Variants in SORCS2 observed in about 807,000 individuals in gnomAD.
SORCS2 encodes VPS10 domain-containing receptor SorCS2.
SORCS2 carries 100 observed loss-of-function variants against 141.6 expected under a neutral mutation model. That is an observed-to-expected ratio of 0.71 (90% CI 0.60 to 0.83). The LOEUF is 0.83. Among genes scored for constraint, SORCS2 ranks in the 40% least tolerant of loss-of-function variants. The pLI is 0.00. For missense variants in SORCS2, 1,646 were observed against 1,560.2 expected, an observed-to-expected ratio of 1.05 and a Z score of -0.93; for synonymous variants, 789 against 676.9, an observed-to-expected ratio of 1.17 and a Z score of -2.57.
intron 1 of SORCS2, among the ~76,000 whole-genome samples, chr4:7,390,037 G>A (rs2109096545): frequency 6.6e-6 from 1 of 152,286 alleles, no homozygotes; most frequent in East Asian, 1.9e-4. Context: ...GGAGCTCCCG[G>A]GAAGCTGCAT....
At chr4:7,330,178 A>T (rs773250308) in intron 1 of SORCS2, among the ~76,000 whole-genome samples, 7 of 151,544 alleles carry the variant, frequency 4.6e-5, no homozygotes, top group Non-Finnish European at 8.8e-5. Flanking sequence ...CTCCTGCTCT[A>T]CAGGGACACG....
intron 6 of SORCS2, among the ~76,000 whole-genome samples, chr4:7,662,620 T>C (rs965124677): frequency 1.3e-5 from 2 of 152,234 alleles, no homozygotes; most frequent in Non-Finnish European, 2.9e-5. Flanking sequence ...TAACATGTGC[T>C]ACAGAGAGAA....
chr4:7,335,284 C>T (rs2108975692), intron 1 of SORCS2, among the ~76,000 whole-genome samples: 1 of 152,354 alleles, frequency 6.6e-6, no homozygotes, highest in Non-Finnish European at 1.5e-5. Flanking sequence ...TTGTACAAGT[C>T]TCCCCTTAGT....
At chr4:7,535,523 G>C (rs1712047986) in intron 3 of SORCS2, among the ~76,000 whole-genome samples, 1 of 152,342 alleles carries the variant, frequency 6.6e-6, no homozygotes, top group South Asian at 2.1e-4. Context: ...TGGTGAAATG[G>C]GGGTAGTAGC....
intron 1 of SORCS2, among the ~76,000 whole-genome samples, chr4:7,317,340 T>C (rs1718625651): frequency 6.6e-6 from 1 of 152,198 alleles, no homozygotes; most frequent in Non-Finnish European, 1.5e-5. Context: ...GGCCTGGGCC[T>C]ATGTGTAAGG....
intron 3 of SORCS2, among the ~76,000 whole-genome samples, chr4:7,568,897 T>C (rs1353198785): frequency 6.6e-6 from 1 of 152,200 alleles, no homozygotes; most frequent in Admixed American, 6.5e-5. Flanking sequence ...AAACCATTCC[T>C]AGGCCTATTC....
At chr4:7,705,250 G>A (rs984509733) in intron 14 of SORCS2, among the ~76,000 whole-genome samples, 2 of 152,228 alleles carry the variant, frequency 1.3e-5, no homozygotes, top group Non-Finnish European at 1.5e-5. Flanking sequence ...CCAGGAGCTG[G>A]AAGGGGCAGG....
chr4:7,414,055 C>T (rs1189518939), intron 2 of SORCS2, among the ~76,000 whole-genome samples: 2 of 152,210 alleles, frequency 1.3e-5, no homozygotes, highest in African/African-American at 2.4e-5. Context: ...AGCCTCCTTT[C>T]CTGGTGTGAA....
intron 1 of SORCS2, among the ~76,000 whole-genome samples, chr4:7,258,735 A>C (rs906797163): frequency 6.6e-6 from 1 of 152,228 alleles, no homozygotes; most frequent in Non-Finnish European, 1.5e-5. Context: ...GTCTTCCACA[A>C]TGGTTGAACT....
intron 1 of SORCS2, among the ~76,000 whole-genome samples, chr4:7,369,389 C>T (rs1470901223): frequency 2.0e-5 from 3 of 152,166 alleles, no homozygotes; most frequent in East Asian, 1.9e-4. Context: ...TTATCAGCAG[C>T]ATGAAAATGG....
chr4:7,319,229 A>G (rs1285371872), intron 1 of SORCS2, among the ~76,000 whole-genome samples: 2 of 151,976 alleles, frequency 1.3e-5, no homozygotes, highest in African/African-American at 4.8e-5. Flanking sequence ...GACATTGTGT[A>G]TAGAAGAGCT....
At chr4:7,453,259 G>A (rs1728607452) in intron 2 of SORCS2, among the ~76,000 whole-genome samples, 1 of 130,638 alleles carries the variant, frequency 7.7e-6, no homozygotes, top group African/African-American at 3.0e-5. Context: ...GTGCTGTGTT[G>A]GGGTCAGGCA....
At chr4:7,221,460 C>T (rs996412809) in intron 1 of SORCS2, among the ~76,000 whole-genome samples, 4 of 152,342 alleles carry the variant, frequency 2.6e-5, no homozygotes, top group South Asian at 2.1e-4. Context: ...GTGTGGCTGG[C>T]GCTCTTCTCA....
chr4:7,589,063 G>C (rs1320734423), intron 3 of SORCS2, among the ~76,000 whole-genome samples: 1 of 152,138 alleles, frequency 6.6e-6, no homozygotes, highest in South Asian at 2.1e-4. Context: ...GTGAGCTGCC[G>C]GGTGACCCTG....
chr4:7,541,850 C>G (rs1369287536), intron 3 of SORCS2, among the ~76,000 whole-genome samples: 5 of 152,186 alleles, frequency 3.3e-5, no homozygotes, highest in African/African-American at 1.2e-4. Context: ...CAGATAGAAA[C>G]CAACAGGAAA....
At chr4:7,332,793 A>C (rs951439888) in intron 1 of SORCS2, among the ~76,000 whole-genome samples, 1 of 152,194 alleles carries the variant, frequency 6.6e-6, no homozygotes, top group African/African-American at 2.4e-5. Flanking sequence ...TGATGGGGAC[A>C]TGGTGGCCTG....
intron 3 of SORCS2, among the ~76,000 whole-genome samples, chr4:7,551,418 G>T (rs1713692917): frequency 6.6e-6 from 1 of 152,144 alleles, no homozygotes; most frequent in African/African-American, 2.4e-5. Context: ...AGTCCAGCGG[G>T]GAAGACAGGC....
rs557763262 is a variant in SORCS2, at chr4:7,463,781, G to C, written c.548+67426G>C. 5.3e-5 allele frequency among the ~76,000 whole-genome samples: 8 copies of C among 152,212 alleles called. No individual in the cohort carries two copies. The South Asian group carries it at 1.7e-3, about 31-fold the overall frequency. On this transcript the variant is annotated intron_variant, in intron 2 of 26. Coordinates refer to ENST00000507866, the MANE Select transcript of SORCS2 (RefSeq NM_020777.3). Reference sequence around the variant, plus strand: ...CCGTGCATACTAACGGCCCTGATTAGTGTTTCAGCAGGAGCCCTGCGCCGC... The same window carrying C: ...CCGTGCATACTAACGGCCCTGATTACTGTTTCAGCAGGAGCCCTGCGCCGC...
chr4:7,424,125 C>A (rs1010767160), intron 2 of SORCS2, among the ~76,000 whole-genome samples: 11 of 152,218 alleles, frequency 7.2e-5, no homozygotes. Context: ...CCCTGGGTCT[C>A]ACATTGTTCC....
Sources: allele counts gnomAD v4.1 joint callset (sites outside exome capture counted in the v4.1 genomes callset), GRCh38; gene constraint gnomAD v4.1.1; transcripts MANE v1.5; gene names NCBI Gene and HGNC (gene_info 2026-07-23, HGNC 2026-07-21).